FAM167A: variants seen among roughly 807,000 people sequenced by gnomAD.
FAM167A encodes protein FAM167A.
In FAM167A, 23 loss-of-function variants were observed where a neutral mutation model predicts 14.9. The ratio of observed to expected loss-of-function variants is 1.55; its 90% CI spans 1.11 to 2.19. The LOEUF (loss-of-function observed/expected upper bound fraction) is 2.19, where lower values mean the gene tolerates loss of function less well. Among genes scored for constraint, FAM167A ranks in the 30% most tolerant of loss-of-function variants. FAM167A has a pLI of 0.00. For missense variants in FAM167A, 401 were observed against 281.5 expected (o/e 1.42, Z -3.04); for synonymous variants, 174 against 117.7 (o/e 1.48, Z -3.10).
Position 11,444,713 on chromosome 8 carries a change from C to T in FAM167A, c.-302G>A. ...CGCAGGAATCTCGGGGCAGCCTGTG[C>T]CAAGGTCTATCTGTCCTGAACGCAC... On this transcript the variant is annotated 5_prime_UTR_variant, in exon 2 of 3. Transcript: ENST00000284486. The T allele has an allele frequency of 8.5e-7, 1 of 1,177,466 alleles. No individual in the cohort carries two copies. Among genetic ancestry groups the T allele is most frequent in the Non-Finnish European group, 1.1e-6 (1 of 949,886 alleles). The allele number at this position is 1,177,466 out of a possible 1,614,324, so 72.9% of individuals were successfully genotyped here.
At chr8:11,430,719 TC>T (rs1181032241) in intron 2 of FAM167A, among the ~76,000 whole-genome samples, 1 of 152,046 alleles carries the variant, frequency 6.6e-6, no homozygotes, top group Non-Finnish European at 1.5e-5. Context: ...GACAGAGATT[TC>T]CTTACTTCCA....
chr8:11,464,941 G>T (rs576222553), intron 1 of FAM167A, among the ~76,000 whole-genome samples: 1 of 152,298 alleles, frequency 6.6e-6, no homozygotes, highest in African/African-American at 2.4e-5. Flanking sequence ...TAGACAGGAA[G>T]GCGGGGACTG....
At chr8:11,437,522 CT>C (rs1317004079) in intron 2 of FAM167A, among the ~76,000 whole-genome samples, 1 of 152,212 alleles carries the variant, frequency 6.6e-6, no homozygotes, top group Non-Finnish European at 1.5e-5. Context: ...ATGGTAGAAT[CT>C]GACTTGAAGT....
At position 11,444,534 on chromosome 8, in the gene FAM167A, G is replaced by C. The variant is rs1365421156; in HGVS notation, c.-123C>G. On this transcript the variant is annotated 5_prime_UTR_variant, in exon 2 of 3. Coordinates refer to ENST00000284486, the MANE Select transcript of FAM167A (RefSeq NM_053279.3). Reference sequence around the variant, plus strand: ...CATCCAGGTGCCCGAGGGCATTTCCGGGACAGGAGCCGGCCTCAGAGGCTG... The same window carrying C: ...CATCCAGGTGCCCGAGGGCATTTCCCGGACAGGAGCCGGCCTCAGAGGCTG... 4.7e-6 allele frequency: 7 copies of C among 1,477,814 alleles called. No homozygotes were observed. The highest frequency in any genetic ancestry group is 2.5e-4 in the Middle Eastern group (1 of 3,924). 91.5% of individuals were successfully genotyped at this position (1,477,814 alleles called of 1,614,324 possible). A position where few individuals can be genotyped will look rare whatever the true frequency, so the allele number is the denominator to read the frequency against.
rs927414203 is a variant in FAM167A, at chr8:11,424,290, G to A, written c.*83C>T. ...GACCCCTGCCTCCGGGAGACCCACT[G>A]GAGTAACTTGGCCTCAGCTTCCTCT... On this transcript the variant is annotated 3_prime_UTR_variant, in exon 3 of 3. Coordinates refer to ENST00000284486, the MANE Select transcript of FAM167A (RefSeq NM_053279.3). The A allele has an allele frequency of 2.0e-5, 31 of 1,570,324 alleles. No individual in the cohort carries two copies. The highest frequency in any genetic ancestry group is 2.5e-5 in the Non-Finnish European group (29 of 1,153,576).
In FAM167A at chr8:11,458,210, C is replaced by G. The variant is rs75786143; in HGVS notation, c.-398+8416G>C. Among the ~76,000 whole-genome samples the G allele has an allele frequency of 3.6e-4, 55 of 152,298 alleles. 3 individuals are homozygous for G. The East Asian group carries it at 0.01, about 29-fold the overall frequency. On this transcript the variant is annotated intron_variant, in intron 1 of 2. Coordinates refer to ENST00000284486, the MANE Select transcript of FAM167A (RefSeq NM_053279.3). The stretch of plus-strand genomic sequence containing the variant: ...CTCAACTTTATGTCTCATCCTTCCG[C>G]GATAGCCTTATGTTTGAATTTGACT...
At chr8:11,449,012 G>A (rs569396198) in intron 1 of FAM167A, among the ~76,000 whole-genome samples, 1 of 152,378 alleles carries the variant, frequency 6.6e-6, no homozygotes, top group East Asian at 1.9e-4. Context: ...GAGTTGGGGA[G>A]TCACTATTTT....
At chr8:11,468,049 T>A, upstream of FAM167A, among the ~76,000 whole-genome samples, 1 of 152,170 alleles carries the variant, frequency 6.6e-6, no homozygotes, top group East Asian at 1.9e-4. Context: ...CAGCTTGCCC[T>A]ACCCAGTTCT....
chr8:11,442,634 CA>C (rs1806510301), intron 2 of FAM167A, among the ~76,000 whole-genome samples: 1 of 152,038 alleles, frequency 6.6e-6, no homozygotes, highest in Non-Finnish European at 1.5e-5. Context: ...ATTCAAAGAG[CA>C]GCTGGGGGCT....
chr8:11,435,190 G>A (rs1805923428), intron 2 of FAM167A: 1 of 453,142 alleles, frequency 2.2e-6, no homozygotes, highest in Non-Finnish European at 4.4e-6. Context: ...CCACACTGAG[G>A]TTCTGTCCCC....
intron 2 of FAM167A, chr8:11,438,058 G>A: frequency 4.8e-6 from 2 of 416,370 alleles, no homozygotes; most frequent in Non-Finnish European, 9.5e-6. Flanking sequence ...CACAAAGACA[G>A]GAGCCCTGAC....
intron 1 of FAM167A, among the ~76,000 whole-genome samples, chr8:11,449,173 T>C (rs4841534): frequency 0.51 from 77,207 of 152,114 alleles, 20,286 homozygotes; most frequent in East Asian, 0.66. Flanking sequence ...TCGTCAGTGT[T>C]TGGGGAGCAC....
intron 2 of FAM167A, among the ~76,000 whole-genome samples, chr8:11,441,946 T>C (rs1806464878): frequency 6.6e-6 from 1 of 152,180 alleles, no homozygotes; most frequent in South Asian, 2.1e-4. Flanking sequence ...GAGTAATGCC[T>C]GCGAAGTGCC....
intron 1 of FAM167A, among the ~76,000 whole-genome samples, chr8:11,461,408 C>T (rs528815889): frequency 1.3e-5 from 2 of 152,400 alleles, no homozygotes; most frequent in East Asian, 3.9e-4. Flanking sequence ...CCGCCAACCG[C>T]CACATGAGAC....
chr8:11,445,405 AG>A (rs1476810349), intron 1 of FAM167A: 2 of 985,640 alleles, frequency 2.0e-6, no homozygotes, highest in East Asian at 2.3e-4. Flanking sequence ...TCTTCCTCCA[AG>A]AACAACACCT....
chr8:11,466,369 G>A (rs2736318), intron 1 of FAM167A, among the ~76,000 whole-genome samples: 35,932 of 152,228 alleles, frequency 0.24, 4,993 homozygotes, highest in Middle Eastern at 0.35. Context: ...ACGGCCAGCA[G>A]GGAGCTAGGA....
At chr8:11,425,487 T>C (rs1225638035) in intron 2 of FAM167A, among the ~76,000 whole-genome samples, 1 of 152,196 alleles carries the variant, frequency 6.6e-6, no homozygotes, top group Non-Finnish European at 1.5e-5. Context: ...TTAGTGACCT[T>C]GTAGAAGGTT....
chr8:11,462,415 C>T (rs1275004149), intron 1 of FAM167A, among the ~76,000 whole-genome samples: 1 of 152,190 alleles, frequency 6.6e-6, no homozygotes, highest in Non-Finnish European at 1.5e-5. Flanking sequence ...ATCAAGTTTA[C>T]GTGAATTTTT....
intron 1 of FAM167A, among the ~76,000 whole-genome samples, chr8:11,447,474 T>C (rs1237500266): frequency 6.6e-6 from 1 of 152,250 alleles, no homozygotes; most frequent in Non-Finnish European, 1.5e-5. Flanking sequence ...CATTAGCCCC[T>C]GTGAACTGTG....
Sources: allele counts gnomAD v4.1 joint callset (sites outside exome capture counted in the v4.1 genomes callset), GRCh38; gene constraint gnomAD v4.1.1; transcripts MANE v1.5; gene names NCBI Gene and HGNC (gene_info 2026-07-23, HGNC 2026-07-21).